TMPRSS11B: variants seen among roughly 807,000 people sequenced by gnomAD.
The protein encoded by TMPRSS11B is transmembrane serine protease 11B, also known as transmembrane protease serine 11B.
In TMPRSS11B, 53 loss-of-function variants were observed where a neutral mutation model predicts 44.7. The observed-to-expected ratio is 1.19, with a 90% CI of 0.95 to 1.49. The LOEUF is 1.49. TMPRSS11B is among the 40% of genes most tolerant of loss of function. The pLI is 0.00. For missense variants in TMPRSS11B, 526 were observed against 494.8 expected (o/e 1.06, Z -0.60); for synonymous variants, 140 against 159.2 (o/e 0.88, Z 0.91).
Position 68,242,243 on chromosome 4 carries a change from AT to A in TMPRSS11B, c.9-440del, listed in dbSNP as rs1363846792. Among the ~76,000 whole-genome samples the A allele has an allele frequency of 1.3e-4, 11 of 83,254 alleles. 1 individual carries two copies. The highest frequency in any genetic ancestry group is 5.5e-4 in the African/African-American group (10 of 18,034). 54.6% of individuals were successfully genotyped at this position (83,254 alleles called of 152,430 possible). A position where few individuals can be genotyped will look rare whatever the true frequency, so the allele number is the denominator to read the frequency against. Reference sequence around the variant, plus strand: ...TATTATATTATATTATATATATTATATTATATATATTATAATATATATAATA... The same window carrying A: ...TATTATATTATATTATATATATTATATATATATATTATAATATATATAATA... On this transcript the variant is annotated intron_variant, in intron 1 of 9. Transcript: ENST00000332644.
chr4:68,242,135 G>A (rs999797845), intron 1 of TMPRSS11B, among the ~76,000 whole-genome samples: 1 of 134,658 alleles, frequency 7.4e-6, no homozygotes, highest in Non-Finnish European at 1.5e-5. Flanking sequence ...TTGTATTTTT[G>A]TAAACTATAG....
chr4:68,234,206 T>G (rs1464859908), intron 5 of TMPRSS11B, among the ~76,000 whole-genome samples: 1 of 151,726 alleles, frequency 6.6e-6, no homozygotes, highest in African/African-American at 2.4e-5. Flanking sequence ...CTTCACCCCC[T>G]TTCCCATGCA....
intron 2 of TMPRSS11B, among the ~76,000 whole-genome samples, chr4:68,240,890 G>A (rs1367372974): frequency 1.3e-5 from 2 of 152,066 alleles, no homozygotes; most frequent in Non-Finnish European, 2.9e-5. Flanking sequence ...ATAAAACTCA[G>A]AAAAATCATG....
At chr4:68,239,300 GCTCT>G (rs750576069) in intron 2 of TMPRSS11B, among the ~76,000 whole-genome samples, 2 of 151,630 alleles carry the variant, frequency 1.3e-5, no homozygotes, top group Non-Finnish European at 1.5e-5. Context: ...TATCTCTCTC[GCTCT>G]CTCTCTCTTT....
Position 68,228,991 on chromosome 4 carries a change from C to A in TMPRSS11B, c.947-107G>T, listed in dbSNP as rs960357255. The A allele has an allele frequency of 2.6e-5, 32 of 1,238,358 alleles. No individual in the cohort carries two copies. In the East Asian group the frequency reaches 7.8e-4, roughly 30 times the overall value. 76.7% of individuals were successfully genotyped at this position (1,238,358 alleles called of 1,614,324 possible). ...CTCTCTTGGTCACCAAGAGTCAGGC[C>A]AGTCCCAGGTTAGATTAGTCTCTTT... On this transcript the variant is annotated intron_variant, in intron 8 of 9. Coordinates refer to ENST00000332644, the MANE Select transcript of TMPRSS11B (RefSeq NM_182502.3).
At chr4:68,236,916 A>C (rs544480274) in intron 2 of TMPRSS11B, among the ~76,000 whole-genome samples, 348 of 10,280 alleles carry the variant, frequency 0.034, no homozygotes, top group African/African-American at 0.061. Flanking sequence ...CCATGGTGCC[A>C]TTATTATTAT....
At chr4:68,229,856 A>G (rs1208227003) in intron 7 of TMPRSS11B, among the ~76,000 whole-genome samples, 1 of 151,462 alleles carries the variant, frequency 6.6e-6, no homozygotes, top group African/African-American at 2.4e-5. Context: ...GGGGTCCAGG[A>G]TTAGTCTTAT....
chr4:68,245,566 T>G lies in TMPRSS11B; in HGVS notation c.-8A>C. The G allele has an allele frequency of 1.2e-6, 2 of 1,613,558 alleles. No homozygotes were observed. The highest frequency in any genetic ancestry group is 1.7e-6 in the Non-Finnish European group (2 of 1,179,596). ...TCCCCTTTACCTGTACATAATGTTC[T>G]GATTGTTATGGCAGTATCAGGTATA... is the stretch of plus-strand genomic sequence containing the variant. On this transcript the variant is annotated 5_prime_UTR_variant, in exon 1 of 10. Transcript: ENST00000332644.
chr4:68,232,450 G>T, intron 5 of TMPRSS11B, 34 bp from the exon 6 acceptor site: 1 of 1,598,646 alleles, frequency 6.3e-7, no homozygotes, highest in South Asian at 1.1e-5. Context: ...ATATAAAATT[G>T]AGCAAATATC....
chr4:68,241,674 A>G lies in TMPRSS11B; in HGVS notation c.124+15T>C. On this transcript the variant is annotated intron_variant, in intron 2 of 9. Transcript: ENST00000332644. ...TTTATAGCAAGGATGAAAACTGAAA[A>G]TAATCAGTACTCACCAACTGCCAGA... 6.7e-7 allele frequency: 1 copy of G among 1,494,096 alleles called. No individual in the cohort carries two copies. The highest frequency in any genetic ancestry group is 9.3e-7 in the Non-Finnish European group (1 of 1,078,938). 92.6% of individuals were successfully genotyped at this position (1,494,096 alleles called of 1,614,324 possible).
intron 1 of TMPRSS11B, among the ~76,000 whole-genome samples, chr4:68,243,978 A>G (rs896267202): frequency 6.6e-6 from 1 of 152,162 alleles, no homozygotes; most frequent in Admixed American, 6.6e-5. Flanking sequence ...GTCAAAAATA[A>G]TTTAAAGTAC....
At chr4:68,242,207 A>AGGTTTG (rs1560445293) in intron 1 of TMPRSS11B, among the ~76,000 whole-genome samples, 12 of 41,292 alleles carry the variant, frequency 2.9e-4, no homozygotes, top group African/African-American at 9.1e-4. Flanking sequence ...AATATAATAT[A>AGGTTTG]ATATATATAA....
chr4:68,244,202 A>T (rs908837163), intron 1 of TMPRSS11B, among the ~76,000 whole-genome samples: 2 of 152,254 alleles, frequency 1.3e-5, no homozygotes, highest in Admixed American at 1.3e-4. Flanking sequence ...TAGCATTTGC[A>T]TTACAAGATG....
Position 68,227,942 on chromosome 4 carries a change from C to T in TMPRSS11B, c.1220G>A (p.Arg407His), listed in dbSNP as rs759100973. The stretch of plus-strand genomic sequence containing the variant: ...TCCAGTCTTGGATGTAATCCAATTG[C>T]GATAAGAAGTCACTCGAGTATAGAC... ...PGVYTRVTSY[R>H]NWITSKTGL The change falls in exon 10 of 10, where the codon CGC (arginine) becomes CAC (histidine). Residue 407 changes from arginine to histidine, a missense_variant. Physicochemically the swap from Arg to His is conservative, Grantham distance 29 (BLOSUM62 0). Transcript: ENST00000332644. The T allele has an allele frequency of 1.7e-5, 28 of 1,611,500 alleles. No homozygotes were observed. The highest frequency in any genetic ancestry group is 2.7e-5 in the African/African-American group (2 of 74,768).
chr4:68,231,486 C>A, intron 6 of TMPRSS11B, 106 bp from the exon 7 acceptor site: 1 of 1,045,494 alleles, frequency 9.6e-7, no homozygotes, highest in East Asian at 2.6e-5. Flanking sequence ...TATTCAACTT[C>A]TCCTAATTGA....
intron 2 of TMPRSS11B, among the ~76,000 whole-genome samples, chr4:68,240,920 C>A (rs1355618723): frequency 6.6e-6 from 1 of 152,074 alleles, no homozygotes; most frequent in Non-Finnish European, 1.5e-5. Flanking sequence ...TATAATTAAA[C>A]TATTAAGTAT....
intron 2 of TMPRSS11B, among the ~76,000 whole-genome samples, chr4:68,239,650 C>T (rs2109963043): frequency 6.6e-6 from 1 of 152,274 alleles, no homozygotes; most frequent in Non-Finnish European, 1.5e-5. Context: ...CCCTCCATTT[C>T]AAAGTTTATC....
intron 2 of TMPRSS11B, among the ~76,000 whole-genome samples, chr4:68,238,505 T>C (rs1719734713): frequency 6.6e-6 from 1 of 151,516 alleles, no homozygotes; most frequent in African/African-American, 2.4e-5. Context: ...AGAGGATCAC[T>C]TGAGGTCAGG....
At chr4:68,232,310 T>A in intron 6 of TMPRSS11B, 68 bp downstream of exon 6, 1 of 1,462,752 alleles carries the variant, frequency 6.8e-7, no homozygotes, top group Non-Finnish European at 9.4e-7. Context: ...CAAGTATTTT[T>A]AATAGAAAAA....
Sources: gnomAD v4.1 joint callset for allele counts (sites outside exome capture counted in the v4.1 genomes callset) on GRCh38, gnomAD v4.1.1 for gene constraint, MANE v1.5 for transcripts, NCBI Gene and HGNC (gene_info 2026-07-23, HGNC 2026-07-21) for gene names.